The following KIT variants were observed in gnomAD, a reference collection of about 807,000 sequenced individuals.
The protein encoded by KIT is KIT proto-oncogene, receptor tyrosine kinase.
In KIT, 16 loss-of-function variants were observed where a neutral mutation model predicts 105.7. That is an observed-to-expected ratio of 0.15 (90% CI 0.10 to 0.23). The LOEUF (loss-of-function observed/expected upper bound fraction) is 0.23. KIT is among the 10% of genes least tolerant of loss of function. The pLI, the probability that KIT is intolerant of heterozygous loss-of-function variation, is 1.00. For synonymous variants in KIT, 438 were observed against 441.1 expected (o/e 0.99, Z 0.09); for missense variants, 858 against 1,213.8 (o/e 0.71, Z 4.36).
chr4:54,702,543 A>G (rs1032059431), intron 4 of KIT, among the ~76,000 whole-genome samples: 2 of 152,030 alleles, frequency 1.3e-5, no homozygotes, highest in Admixed American at 6.6e-5. Context: ...CTTTTCCCCT[A>G]TGCATATGTA....
intron 7 of KIT, among the ~76,000 whole-genome samples, chr4:54,715,780 G>C (rs990898863): frequency 3.3e-5 from 5 of 152,104 alleles, no homozygotes; most frequent in Admixed American, 6.6e-5. Flanking sequence ...GTGAAAGCCA[G>C]CCATATAGAT....
At chr4:54,676,524 C>G (rs536676686) in intron 1 of KIT, among the ~76,000 whole-genome samples, 1 of 152,306 alleles carries the variant, frequency 6.6e-6, no homozygotes, top group East Asian at 1.9e-4. Flanking sequence ...TTAGTCCAGA[C>G]AGGAAAACAG....
At chr4:54,736,956 A>G (rs1031471223) in intron 19 of KIT, 136 bp downstream of exon 19, 72 of 755,936 alleles carry the variant, frequency 9.5e-5, no homozygotes, top group Non-Finnish European at 1.6e-4. Flanking sequence ...ACACTGGTCA[A>G]ATGTCATTTC....
At chr4:54,720,600 T>C (rs934007364) in intron 7 of KIT, among the ~76,000 whole-genome samples, 2 of 152,188 alleles carry the variant, frequency 1.3e-5, no homozygotes, top group African/African-American at 4.8e-5. Context: ...AAGAATAAAA[T>C]AGAAACTTTT....
intron 1 of KIT, among the ~76,000 whole-genome samples, chr4:54,681,130 C>T (rs1718884200): frequency 6.6e-6 from 1 of 152,180 alleles, no homozygotes; most frequent in Non-Finnish European, 1.5e-5. Context: ...GACGAGCTCG[C>T]TACCCCGACC....
chr4:54,696,370 T>A (rs1348826829), intron 2 of KIT, among the ~76,000 whole-genome samples: 2 of 152,174 alleles, frequency 1.3e-5, no homozygotes, highest in Non-Finnish European at 2.9e-5. Context: ...AGTTCAGTGA[T>A]TTGTCTGTGA....
rs780329057 is a variant in KIT at position 54,729,437 on chromosome 4, C to A, written c.2093C>A (p.Ala698Glu). 6.2e-7 allele frequency: 1 copy of A among 1,613,692 alleles called. No homozygotes were observed. Among genetic ancestry groups the A allele is most frequent in the Non-Finnish European group, 8.5e-7 (1 of 1,179,768 alleles). ...ATTTGTTCAAAGCAGGAAGATCATG[C>A]AGAAGCTGCACTTTATAAGAATCTT... ...SFICSKQEDH[A>E]EAALYKNLLH... The change falls in exon 14 of 21, where the codon GCA becomes GAA. Residue 698 changes from alanine to glutamate, a missense_variant. Physicochemically the swap from Ala to Glu is moderately radical, Grantham distance 107. Coordinates refer to ENST00000288135, the MANE Select transcript of KIT (RefSeq NM_000222.3).
At chr4:54,735,746 C>T (rs1027063783) in intron 17 of KIT, among the ~76,000 whole-genome samples, 1 of 152,020 alleles carries the variant, frequency 6.6e-6, no homozygotes, top group African/African-American at 2.4e-5. Flanking sequence ...GTGACTTTCC[C>T]AGTGTATTAG....
At chr4:54,696,952 A>G (rs1720111472) in intron 2 of KIT, among the ~76,000 whole-genome samples, 1 of 152,260 alleles carries the variant, frequency 6.6e-6, no homozygotes, top group African/African-American at 2.4e-5. Context: ...ACAATTGAAT[A>G]AATGAGGAAA....
rs745967881 is a variant in KIT at position 54,736,794 on chromosome 4, C to G, written c.2670C>G (p.Leu890=). ...TGATCAAGGAAGGCTTCCGGATGCT[C>G]AGCCCTGAACACGCACCTGCTGAAA... ...YKMIKEGFRM[L]SPEHAPAEMY... The change falls in exon 19 of 21, where the codon CTC becomes CTG. Residue 890 remains leucine (L), a synonymous_variant. Transcript: ENST00000288135. 3 of 1,614,104 alleles carry G rather than the reference C, an allele frequency of 1.9e-6. No individual in the cohort carries two copies. Among genetic ancestry groups the G allele is most frequent in the East Asian group, 2.2e-5 (1 of 44,866 alleles).
At chr4:54,696,407 A>G (rs1560394127) in intron 2 of KIT, among the ~76,000 whole-genome samples, 1 of 152,196 alleles carries the variant, frequency 6.6e-6, no homozygotes, top group Non-Finnish European at 1.5e-5. Flanking sequence ...AAGAGTAAGC[A>G]TGCTGGGCAG....
Position 54,740,403 on chromosome 4 carries a change from G to A in KIT, c.*1846G>A, listed in dbSNP as rs1723177774. 1 of 233,294 alleles carries A rather than the reference G, an allele frequency of 4.3e-6. No homozygotes were observed. Among genetic ancestry groups the A allele is most frequent in the East Asian group, 6.1e-5 (1 of 16,518 alleles). The allele number at this position is 233,294 out of a possible 1,614,324, so 14.5% of individuals were successfully genotyped here. A position where few individuals can be genotyped will look rare whatever the true frequency, so the allele number is the denominator to read the frequency against. On this transcript the variant is annotated 3_prime_UTR_variant, in exon 21 of 21. Transcript: ENST00000288135. The stretch of plus-strand genomic sequence containing the variant: ...TCAGGGGCACTTCATTGAGAGTTTT[G>A]TCTTGGATATTCTTGAAAGTTTATA...
At chr4:54,718,159 G>A (rs1721619952) in intron 7 of KIT, among the ~76,000 whole-genome samples, 1 of 152,166 alleles carries the variant, frequency 6.6e-6, no homozygotes, top group Non-Finnish European at 1.5e-5. Context: ...GTAGTGCAGT[G>A]GCACAATCTT....
Position 54,739,814 on chromosome 4 carries a change from C to T in KIT, c.*1257C>T, listed in dbSNP as rs761195357. ...CACATAGCTGTCTAGAGTAGCTTAC[C>T]AGAAGCTTCCATAGTGGTGCAGAGG... On this transcript the variant is annotated 3_prime_UTR_variant, in exon 21 of 21. Coordinates refer to ENST00000288135, the MANE Select transcript of KIT (RefSeq NM_000222.3). 1.3e-5 allele frequency: 3 copies of T among 233,374 alleles called. No individual in the cohort carries two copies. Among genetic ancestry groups the T allele is most frequent in the Non-Finnish European group, 2.5e-5 (3 of 117,968 alleles). The allele number at this position is 233,374 out of a possible 1,614,324, so 14.5% of individuals were successfully genotyped here.
intron 1 of KIT, among the ~76,000 whole-genome samples, chr4:54,665,877 G>A (rs778046604): frequency 2.0e-5 from 3 of 152,060 alleles, no homozygotes; most frequent in African/African-American, 2.4e-5. Flanking sequence ...ATAATATTAC[G>A]GTAGCATTGG....
At chr4:54,678,214 C>T (rs1024193004) in intron 1 of KIT, among the ~76,000 whole-genome samples, 1 of 152,060 alleles carries the variant, frequency 6.6e-6, no homozygotes, top group Non-Finnish European at 1.5e-5. Context: ...CTTTGATAAC[C>T]TATGTTGTCT....
At chr4:54,720,127 A>C (rs1721771366) in intron 7 of KIT, among the ~76,000 whole-genome samples, 1 of 152,126 alleles carries the variant, frequency 6.6e-6, no homozygotes, top group Admixed American at 6.5e-5. Context: ...GGTTCCTTAA[A>C]GGCCCTTTAA....
intron 9 of KIT, among the ~76,000 whole-genome samples, chr4:54,726,779 ATG>A (rs1165948793): frequency 1.3e-5 from 2 of 149,198 alleles, no homozygotes; most frequent in African/African-American, 5.0e-5. Context: ...TACCTTAAAA[ATG>A]TTTTTTTTTT....
chr4:54,716,822 A>G (rs1424434416), intron 7 of KIT, among the ~76,000 whole-genome samples: 1 of 152,206 alleles, frequency 6.6e-6, no homozygotes, highest in Non-Finnish European at 1.5e-5. Flanking sequence ...TAAGGTTATC[A>G]TCTGTTGTTA....
Sources: gnomAD v4.1 joint callset for allele counts (sites outside exome capture counted in the v4.1 genomes callset) on GRCh38, gnomAD v4.1.1 for gene constraint, MANE v1.5 for transcripts, NCBI Gene and HGNC (gene_info 2026-07-23, HGNC 2026-07-21) for gene names.